SH3TC1: variants seen among roughly 807,000 people sequenced by gnomAD.
SH3TC1 encodes SH3 domain and tetratricopeptide repeat-containing protein 1.
In SH3TC1, 135 loss-of-function variants were observed where a neutral mutation model predicts 117.3. The ratio of observed to expected loss-of-function variants is 1.15; its 90% CI spans 1.00 to 1.33. The LOEUF is 1.33. Among genes scored for constraint, SH3TC1 ranks in the 40% most tolerant of loss-of-function variants. The pLI is 0.00. For missense variants in SH3TC1, 2,092 were observed against 1,794.3 expected (o/e 1.17, Z -3.00); for synonymous variants, 898 against 816.9 (o/e 1.10, Z -1.69).
At chr4:8,226,192 G>A (rs991132818) in intron 11 of SH3TC1, among the ~76,000 whole-genome samples, 1 of 152,192 alleles carries the variant, frequency 6.6e-6, no homozygotes, top group Non-Finnish European at 1.5e-5. Context: ...TTTCGTCCCA[G>A]GTTTTCCAAC....
Position 8,192,330 on chromosome 4 carries a change from C to T in SH3TC1, c.-57+10120C>T, listed in dbSNP as rs1341467047. 1.3e-5 allele frequency among the ~76,000 whole-genome samples: 2 copies of T among 151,742 alleles called. No individual in the cohort carries two copies. Among genetic ancestry groups the T allele is most frequent in the Non-Finnish European group, 2.9e-5 (2 of 67,946 alleles). On this transcript the variant is annotated intron_variant, in intron 1 of 16. Coordinates refer to the SH3TC1 transcript ENST00000508641. The surrounding 1 kb of genome is among the most constrained non-coding windows in gnomAD (Gnocchi z 4.1). ...CTTTAAAATGAAAGGGCCACGGAATCACCAGGAACTCTCCTTCCTGTGACC... is the reference window on the plus strand; with the variant it reads ...CTTTAAAATGAAAGGGCCACGGAATTACCAGGAACTCTCCTTCCTGTGACC...
intron 1 of SH3TC1, among the ~76,000 whole-genome samples, chr4:8,189,891 G>T (rs367992997): frequency 3.3e-5 from 5 of 152,192 alleles, no homozygotes; most frequent in African/African-American, 7.2e-5. Context: ...GCTGGGAAAC[G>T]GGAGGTGTCC....
chr4:8,208,277 G>A lies in SH3TC1; in HGVS notation c.173-1471G>A, dbSNP rs145862991. On this transcript the variant is annotated intron_variant, in intron 2 of 17. Transcript: ENST00000245105. ...CTTCTTAGCCCATGGGGGCATCTGCGGGGTGTGTTTCGGTTACCGCTGTCA... is the reference window on the plus strand; with the variant it reads ...CTTCTTAGCCCATGGGGGCATCTGCAGGGTGTGTTTCGGTTACCGCTGTCA... Among the ~76,000 whole-genome samples, 45 of 152,336 alleles carry A rather than the reference G, an allele frequency of 3.0e-4. 1 individual carries two copies. Among genetic ancestry groups the A allele is most frequent in the East Asian group, 1.7e-3 (9 of 5,190 alleles).
In SH3TC1 at chr4:8,183,010, G is replaced by T. The variant is rs138739439; in HGVS notation, c.-57+800G>T. Among the ~76,000 whole-genome samples, 137 of 152,276 alleles carry T rather than the reference G, an allele frequency of 9.0e-4. No individual in the cohort carries two copies. Among genetic ancestry groups the T allele is most frequent in the African/African-American group, 2.8e-3 (117 of 41,574 alleles). ...GAGGCTGTTGGGGCAGTGGGGAGGC[G>T]CAGGGGCCTGACCCAGAGGAGGGCA... On this transcript the variant is annotated intron_variant, in intron 1 of 16. Transcript: ENST00000508641. The surrounding 1 kb of genome is among the most constrained non-coding windows in gnomAD (Gnocchi z 5.4).
chr4:8,203,397 G>A (rs537568429), intron 1 of SH3TC1, among the ~76,000 whole-genome samples: 24 of 152,162 alleles, frequency 1.6e-4, no homozygotes, highest in African/African-American at 5.1e-4. Flanking sequence ...GCTGGACCAA[G>A]GTGTCTGGTA....
upstream of SH3TC1, among the ~76,000 whole-genome samples, chr4:8,197,899 G>A (rs1461651436): frequency 6.6e-6 from 1 of 152,196 alleles, no homozygotes; most frequent in Non-Finnish European, 1.5e-5. Flanking sequence ...ACGGGAGGGC[G>A]AGGATGAAGG....
intron 11 of SH3TC1, among the ~76,000 whole-genome samples, chr4:8,226,303 T>C (rs75929447): frequency 0.025 from 3,798 of 152,300 alleles, 174 homozygotes; most frequent in African/African-American, 0.086. Context: ...CTGGCCTTTG[T>C]TAACCCTTTA....
At chr4:8,221,574 TA>T (rs1274662540) in intron 9 of SH3TC1, among the ~76,000 whole-genome samples, 3 of 152,242 alleles carry the variant, frequency 2.0e-5, no homozygotes, top group Non-Finnish European at 4.4e-5. Context: ...ACATTTGCTT[TA>T]TTGCTTTCTC....
chr4:8,185,672 A>G (rs918781903), intron 1 of SH3TC1, among the ~76,000 whole-genome samples: 1 of 152,178 alleles, frequency 6.6e-6, no homozygotes, highest in Non-Finnish European at 1.5e-5. Context: ...CTTCTGTATC[A>G]CAGCTGCTGG....
intron 2 of SH3TC1, among the ~76,000 whole-genome samples, chr4:8,207,881 G>A (rs1345632775): frequency 6.6e-6 from 1 of 152,172 alleles, no homozygotes; most frequent in African/African-American, 2.4e-5. Flanking sequence ...GTGTTTAGAA[G>A]CTGTTGGGCC....
chr4:8,228,588 G>C lies in SH3TC1; in HGVS notation c.2894G>C (p.Gly965Ala). ...ACCCGCCAGGGCCCGGCCCAGCAGGGCAAGGGCTACTACGAGTGGGCCCTT... is the reference window on the plus strand; with the variant it reads ...ACCCGCCAGGGCCCGGCCCAGCAGGCCAAGGGCTACTACGAGTGGGCCCTT... ...LCTRQGPAQQ[G>A]KGYYEWALLV... Residue 965 changes from glycine to alanine, a missense_variant, in exon 12 of 18, where the codon GGC becomes GCC. By Grantham distance (60) the Gly-to-Ala change is moderately conservative. Transcript: ENST00000245105. 2 of 1,580,604 alleles carry C rather than the reference G, an allele frequency of 1.3e-6. No individual in the cohort carries two copies. The highest frequency in any genetic ancestry group is 1.7e-6 in the Non-Finnish European group (2 of 1,165,324).
At chr4:8,218,526 C>A (rs1202218529) in intron 8 of SH3TC1, among the ~76,000 whole-genome samples, 179 bp downstream of exon 8, 1 of 152,190 alleles carries the variant, frequency 6.6e-6, no homozygotes, top group Non-Finnish European at 1.5e-5. Context: ...TACTTTTGTA[C>A]CAACCGAGTC....
rs1403811037 is a variant in SH3TC1 at position 8,205,417 on chromosome 4, ACCCCACCCG to A, written c.172+56_172+64del. On this transcript the variant is annotated intron_variant, in intron 2 of 17. Transcript: ENST00000245105. The surrounding 1 kb of genome is among the most constrained non-coding windows in gnomAD (Gnocchi z 5.4). ...CGCCCTCCATCCCACCCACTTCTCC[ACCCCACCCG>A]CCCCGTCCATCCATCCCTCACCACC... The A allele has an allele frequency of 8.0e-7, 1 of 1,247,684 alleles. No homozygotes were observed. The highest frequency in any genetic ancestry group is 1.0e-6 in the Non-Finnish European group (1 of 988,436). 77.3% of individuals were successfully genotyped at this position (1,247,684 alleles called of 1,614,324 possible).
rs567681077 is a variant in SH3TC1 at position 8,224,080 on chromosome 4, C to T, written c.1244-1095C>T. On this transcript the variant is annotated intron_variant, in intron 10 of 17. Transcript: ENST00000245105. ...ACACCCACCCATGCAGACATGTGTG[C>T]ACATGTGCCTGCAGAGGTGTATACA... is the stretch of plus-strand genomic sequence containing the variant. 2.0e-5 allele frequency among the ~76,000 whole-genome samples: 3 copies of T among 152,222 alleles called. 1 individual carries two copies. Among genetic ancestry groups the T allele is most frequent in the African/African-American group, 7.2e-5 (3 of 41,510 alleles).
At chr4:8,184,756 C>G (rs746225717) in intron 1 of SH3TC1, among the ~76,000 whole-genome samples, 7 of 152,262 alleles carry the variant, frequency 4.6e-5, no homozygotes, top group Non-Finnish European at 7.3e-5. Context: ...CTTAGTGGAA[C>G]TTTCTTCCTC....
At chr4:8,204,976 G>GA (rs1352450651) in intron 1 of SH3TC1, 191 bp from the exon 2 acceptor site, 1 of 406,624 alleles carries the variant, frequency 2.5e-6, no homozygotes, top group Non-Finnish European at 4.3e-6. Context: ...ATAGGGAGGG[G>GA]AGGCGCAGCA....
In SH3TC1 at chr4:8,240,936, C is replaced by A; in HGVS notation, c.3992C>A (p.Ala1331Asp). 1 of 1,610,832 alleles carries A rather than the reference C, an allele frequency of 6.2e-7. No individual in the cohort carries two copies. The highest frequency in any genetic ancestry group is 8.5e-7 in the Non-Finnish European group (1 of 1,179,946). The change falls in exon 18 of 18, where the codon GCC becomes GAC. Residue 1331 changes from alanine (A) to aspartate (D), a missense_variant. By Grantham distance (126) the Ala-to-Asp change is moderately radical. Coordinates refer to ENST00000245105, the MANE Select transcript of SH3TC1 (RefSeq NM_018986.5). Reference protein sequence around the residue: ...LPLCGWAPWLAPSHPR With the variant: ...LPLCGWAPWLDPSHPR ...CTCTGCGGGTGGGCCCCCTGGTTGG[C>A]CCCCAGCCACCCTCGCTGAGGACAG...
chr4:8,194,012 C>T (rs754283336), intron 1 of SH3TC1, among the ~76,000 whole-genome samples: 8 of 152,210 alleles, frequency 5.3e-5, no homozygotes, highest in South Asian at 2.1e-4. Flanking sequence ...AGCCACCACC[C>T]GTGCGGGAGG....
rs1300765049 is a variant in SH3TC1 at position 8,190,245 on chromosome 4, G to A, written c.-57+8035G>A. ...GCTGTGACCTCAGCCTCGGAGCCTC[G>A]AGCTCCCAGGAGATGGCTCCCAGCT... On this transcript the variant is annotated intron_variant, in intron 1 of 16. Coordinates refer to the SH3TC1 transcript ENST00000508641. The surrounding 1 kb of genome is among the most constrained non-coding windows in gnomAD (Gnocchi z 4.7). 6.6e-6 allele frequency among the ~76,000 whole-genome samples: 1 copy of A among 152,102 alleles called. No individual in the cohort carries two copies. Among genetic ancestry groups the A allele is most frequent in the African/African-American group, 2.4e-5 (1 of 41,428 alleles).
Sources: gnomAD v4.1 joint callset for allele counts (sites outside exome capture counted in the v4.1 genomes callset) on GRCh38, gnomAD v4.1.1 for gene constraint, Gnocchi (gnomAD v3.1) non-coding constraint, MANE v1.5 for transcripts, NCBI Gene and HGNC (gene_info 2026-07-23, HGNC 2026-07-21) for gene names.